The following SERPINB7 variants were observed in gnomAD, a reference collection of about 807,000 sequenced individuals.
SERPINB7 encodes serpin family B member 7.
Under a neutral mutation model 37.4 loss-of-function variants are expected in SERPINB7, and 31 were observed. The ratio of observed to expected loss-of-function variants is 0.83; its 90% CI spans 0.62 to 1.12. SERPINB7 has a LOEUF of 1.12. SERPINB7 is among the 50% of genes most tolerant of loss of function. The probability of loss-of-function intolerance (pLI) is 0.00; values close to 1 mark genes in which losing one functional copy is unlikely to be tolerated. For missense variants in SERPINB7, 521 were observed against 455.3 expected, an observed-to-expected ratio of 1.14 and a Z score of -1.31; for synonymous variants, 163 against 166.1, an observed-to-expected ratio of 0.98 and a Z score of 0.14.
At chr18:63,795,223 T>G (rs1173182377) in intron 4 of SERPINB7, among the ~76,000 whole-genome samples, 1 of 152,200 alleles carries the variant, frequency 6.6e-6, no homozygotes, top group Non-Finnish European at 1.5e-5. Flanking sequence ...TGCATTATGA[T>G]AACAGCTGTT....
chr18:63,783,322 G>A (rs2049333267), intron 2 of SERPINB7, among the ~76,000 whole-genome samples: 1 of 151,700 alleles, frequency 6.6e-6, no homozygotes, highest in South Asian at 2.1e-4. Flanking sequence ...CTCTACCCCA[G>A]AAGTACTGAA....
At chr18:63,802,936 T>C (rs1419012233) in intron 7 of SERPINB7, among the ~76,000 whole-genome samples, 1 of 152,190 alleles carries the variant, frequency 6.6e-6, no homozygotes, top group African/African-American at 2.4e-5. Flanking sequence ...AGTATGACCA[T>C]ATAAAATATT....
At position 63,791,327 on chromosome 18, in the gene SERPINB7, T is replaced by TAGGA. The variant is rs1039003475; in HGVS notation, c.169-1064_169-1063insGAAG. ...ATATTTTTTAAAAATGGTGATGACA[T>TAGGA]AGAGTTTTAGAGCCTATTTAAGTAA... On this transcript the variant is annotated intron_variant, in intron 2 of 7. Transcript: ENST00000398019. Among the ~76,000 whole-genome samples the TAGGA allele has an allele frequency of 3.2e-4, 49 of 152,178 alleles. 1 individual carries two copies. Among genetic ancestry groups the TAGGA allele is most frequent in the African/African-American group, 1.0e-3 (42 of 41,442 alleles).
chr18:63,772,517 T>C (rs1301264357), upstream of SERPINB7, among the ~76,000 whole-genome samples: 1 of 152,122 alleles, frequency 6.6e-6, no homozygotes, highest in African/African-American at 2.4e-5. Flanking sequence ...ATATTTACTT[T>C]TTCATGACAA....
intron 2 of SERPINB7, among the ~76,000 whole-genome samples, chr18:63,785,486 T>G (rs1720847): frequency 6.6e-6 from 1 of 152,142 alleles, no homozygotes; most frequent in African/African-American, 2.4e-5. Flanking sequence ...TCTTGAGTTA[T>G]CTTAGCTCCA....
intron 1 of SERPINB7, among the ~76,000 whole-genome samples, chr18:63,760,847 A>C (rs755626992): frequency 6.6e-6 from 1 of 152,330 alleles, no homozygotes; most frequent in Non-Finnish European, 1.5e-5. Flanking sequence ...ATTTCAGAAG[A>C]TGTATAGAAA....
chr18:63,779,376 G>A (rs900258304), intron 1 of SERPINB7, among the ~76,000 whole-genome samples: 2 of 152,206 alleles, frequency 1.3e-5, no homozygotes, highest in African/African-American at 4.8e-5. Context: ...ATAAGAATCA[G>A]ACTTTATATC....
chr18:63,759,752 T>C (rs1002964674), intron 1 of SERPINB7, among the ~76,000 whole-genome samples: 1 of 152,204 alleles, frequency 6.6e-6, no homozygotes, highest in African/African-American at 2.4e-5. Context: ...CTTGTCATAG[T>C]GAGTAAGTCT....
chr18:63,766,583 T>A (rs1352020164), intron 1 of SERPINB7, among the ~76,000 whole-genome samples: 1 of 152,160 alleles, frequency 6.6e-6, no homozygotes, highest in African/African-American at 2.4e-5. Flanking sequence ...CTTTTGCTCA[T>A]GCCCTTGGGG....
chr18:63,793,105 A>G (rs1445434410), intron 3 of SERPINB7, 56 bp from the exon 4 acceptor site: 1 of 887,168 alleles, frequency 1.1e-6, no homozygotes, highest in Non-Finnish European at 1.7e-6. Flanking sequence ...TGTAAGTGAG[A>G]TTATGCATAT....
At position 63,804,850 on chromosome 18, in the gene SERPINB7, C is replaced by A; in HGVS notation, c.*215C>A. Reference sequence around the variant, plus strand: ...TAGCATTCTACCACCATGTGTCTCACCCATTTCTAATTTCATTGTCTTTCT... The same window carrying A: ...TAGCATTCTACCACCATGTGTCTCAACCATTTCTAATTTCATTGTCTTTCT... On this transcript the variant is annotated 3_prime_UTR_variant, in exon 8 of 8. Transcript: ENST00000398019. 1 of 523,918 alleles carries A rather than the reference C, an allele frequency of 1.9e-6. No individual in the cohort carries two copies. The highest frequency in any genetic ancestry group is 3.3e-6 in the Non-Finnish European group (1 of 300,606). 32.5% of individuals were successfully genotyped at this position (523,918 alleles called of 1,614,324 possible).
chr18:63,782,481 G>A lies in SERPINB7; in HGVS notation c.109G>A (p.Ala37Thr), dbSNP rs760065556. The A allele has an allele frequency of 5.6e-6, 9 of 1,614,022 alleles. No homozygotes were observed. Among genetic ancestry groups the A allele is most frequent in the South Asian group, 3.3e-5 (3 of 91,038 alleles). Residue 37 changes from alanine (A) to threonine (T), a missense_variant, in exon 2 of 8, where the codon GCT becomes ACT. Coordinates refer to ENST00000398019, the MANE Select transcript of SERPINB7 (RefSeq NM_003784.4). ...NVFFSSLSLF[A>T]ALALVRLGAQ... ...GTTCTTTTCCTCTCTGAGCCTCTTC[G>A]CTGCCCTGGCCCTGGTCCGCTTGGG... is the stretch of plus-strand genomic sequence containing the variant.
intron 2 of SERPINB7, among the ~76,000 whole-genome samples, chr18:63,784,193 C>A (rs886737155): frequency 6.6e-6 from 1 of 152,100 alleles, no homozygotes; most frequent in South Asian, 2.1e-4. Flanking sequence ...TGGTAGATGG[C>A]GGACCTGAGA....
chr18:63,792,590 C>A, intron 3 of SERPINB7, 147 bp downstream of exon 3: 1 of 557,692 alleles, frequency 1.8e-6, no homozygotes, highest in African/African-American at 1.9e-5. Flanking sequence ...TGGCAAAACC[C>A]CATCTCTGCA....
In SERPINB7 at chr18:63,755,264, TTTTCTTCTA is replaced by T. The variant is rs2049115568; in HGVS notation, c.-19+2153_-19+2161del. ...CTATAGTTAGAGGCCTTTACTTTCT[TTTTCTTCTA>T]TTTCTTCTGAAATGGATGAAAAATA... On this transcript the variant is annotated intron_variant, in intron 1 of 7. Coordinates refer to the SERPINB7 transcript ENST00000336429. Among the ~76,000 whole-genome samples, 8 of 152,270 alleles carry T rather than the reference TTTTCTTCTA, an allele frequency of 5.3e-5. No individual in the cohort carries two copies. In the South Asian group the frequency reaches 1.2e-3, roughly 24 times the overall value.
chr18:63,793,671 A>T (rs535777225), intron 4 of SERPINB7, among the ~76,000 whole-genome samples: 260 of 152,034 alleles, frequency 1.7e-3, no homozygotes, highest in Middle Eastern at 3.4e-3. Flanking sequence ...TGCCCAGCTA[A>T]TTTTTTTGTT....
Position 63,804,674 on chromosome 18 carries a change from T to G in SERPINB7, c.*39T>G, listed in dbSNP as rs1221895338. 2 of 1,529,834 alleles carry G rather than the reference T, an allele frequency of 1.3e-6. No individual in the cohort carries two copies. The highest frequency in any genetic ancestry group is 4.5e-5 in the East Asian group (2 of 44,252). The allele number at this position is 1,529,834 out of a possible 1,614,324, so 94.8% of individuals were successfully genotyped here. A position where few individuals can be genotyped will look rare whatever the true frequency, so the allele number is the denominator to read the frequency against. ...TTCTGTTATAGCAGTCCCCACAACA[T>G]CAAAGAACCACCACAAGTCAATAGA... On this transcript the variant is annotated 3_prime_UTR_variant, in exon 8 of 8. Coordinates refer to ENST00000398019, the MANE Select transcript of SERPINB7 (RefSeq NM_003784.4).
At chr18:63,793,677 T>G (rs140842737) in intron 4 of SERPINB7, among the ~76,000 whole-genome samples, 4 of 152,206 alleles carry the variant, frequency 2.6e-5, no homozygotes, top group African/African-American at 9.6e-5. Flanking sequence ...GCTAATTTTT[T>G]TGTTGTTGAG....
chr18:63,794,280 T>TA (rs1237880849), intron 4 of SERPINB7, among the ~76,000 whole-genome samples: 1 of 151,644 alleles, frequency 6.6e-6, no homozygotes, highest in Non-Finnish European at 1.5e-5. Flanking sequence ...TTGGAAGTGG[T>TA]AGAGAATAGC....
Sources: gnomAD v4.1 joint callset for allele counts (sites outside exome capture counted in the v4.1 genomes callset) on GRCh38, gnomAD v4.1.1 for gene constraint, MANE v1.5 for transcripts, NCBI Gene and HGNC (gene_info 2026-07-23, HGNC 2026-07-21) for gene names.